RORA: variants seen among roughly 807,000 people sequenced by gnomAD.
RORA encodes the protein nuclear receptor ROR-alpha.
RORA carries 7 observed loss-of-function variants against 69.5 expected under a neutral mutation model. The observed-to-expected ratio is 0.10, with a 90% confidence interval of 0.06 to 0.19. The LOEUF (loss-of-function observed/expected upper bound fraction) is 0.19, where lower values mean the gene tolerates loss of function less well. Among genes scored for constraint, RORA ranks in the 10% least tolerant of loss-of-function variants. The pLI is 1.00. For missense variants in RORA, 457 were observed against 663.0 expected, an observed-to-expected ratio of 0.69 and a Z score of 3.41; for synonymous variants, 261 against 240.8, an observed-to-expected ratio of 1.08 and a Z score of -0.78.
At chr15:60,890,856 AC>A (rs1255803188) in intron 1 of RORA, among the ~76,000 whole-genome samples, 2 of 152,220 alleles carry the variant, frequency 1.3e-5, no homozygotes. Flanking sequence ...ACAAAACCAT[AC>A]CAAGTTGAAA....
intron 1 of RORA, among the ~76,000 whole-genome samples, chr15:60,844,127 C>T (rs1362564127): frequency 2.0e-5 from 3 of 152,158 alleles, no homozygotes; most frequent in Non-Finnish European, 4.4e-5. Flanking sequence ...CTCTCCTAGT[C>T]CCCTCACTTG....
intron 3 of RORA, among the ~76,000 whole-genome samples, chr15:60,515,264 C>CACT (rs2065825893): frequency 1.3e-5 from 2 of 152,218 alleles, no homozygotes; most frequent in African/African-American, 4.8e-5. Context: ...AGGCGTTTCT[C>CACT]ACTCCCCAAG....
intron 1 of RORA, among the ~76,000 whole-genome samples, chr15:60,893,666 C>T (rs12438152): frequency 0.33 from 50,834 of 151,852 alleles, 8,850 homozygotes; most frequent in East Asian, 0.65. Context: ...GAAGCGGGGG[C>T]TGAAGGAAGG....
chr15:60,652,467 C>T (rs1289934764), intron 2 of RORA, among the ~76,000 whole-genome samples: 2 of 152,048 alleles, frequency 1.3e-5, no homozygotes, highest in African/African-American at 2.4e-5. Context: ...GCGCATAAGC[C>T]GGATGCAGGG....
intron 2 of RORA, among the ~76,000 whole-genome samples, chr15:60,536,004 C>T (rs1047068372): frequency 6.6e-6 from 1 of 152,184 alleles, no homozygotes. Context: ...ATGTCAACAT[C>T]TCTTGCTGGG....
intron 1 of RORA, among the ~76,000 whole-genome samples, chr15:60,760,687 G>C (rs890367451): frequency 3.3e-5 from 5 of 152,126 alleles, no homozygotes; most frequent in Non-Finnish European, 7.4e-5. Flanking sequence ...AAAATGCTAG[G>C]GTTCCATTCC....
chr15:61,196,822 C>T (rs1026651710), intron 1 of RORA, among the ~76,000 whole-genome samples: 3 of 152,174 alleles, frequency 2.0e-5, no homozygotes, highest in African/African-American at 4.8e-5. Context: ...TCCAGTCACC[C>T]GTGCAGCGCA....
intron 1 of RORA, among the ~76,000 whole-genome samples, chr15:61,218,572 A>C (rs1283379018): frequency 6.6e-6 from 1 of 152,204 alleles, no homozygotes; most frequent in African/African-American, 2.4e-5. Context: ...AGAAAAGCAC[A>C]AAGAAAAAGA....
intron 1 of RORA, chr15:60,848,707 G>C (rs958857779): frequency 1.3e-5 from 2 of 153,896 alleles, no homozygotes; most frequent in Non-Finnish European, 2.9e-5. Flanking sequence ...AGGGGAAGCA[G>C]GTACGTCTTA....
chr15:60,646,309 G>A (rs917623018), intron 2 of RORA, among the ~76,000 whole-genome samples: 1 of 152,108 alleles, frequency 6.6e-6, no homozygotes, highest in African/African-American at 2.4e-5. Flanking sequence ...CTATTTAAAT[G>A]TCACCTTATC....
At chr15:60,775,914 A>G (rs939580418) in intron 1 of RORA, among the ~76,000 whole-genome samples, 1 of 152,038 alleles carries the variant, frequency 6.6e-6, no homozygotes, top group African/African-American at 2.4e-5. Context: ...AACATCTCCT[A>G]CCTGGGGCTT....
chr15:60,914,260 G>A (rs1157098047), intron 1 of RORA, among the ~76,000 whole-genome samples: 1 of 152,184 alleles, frequency 6.6e-6, no homozygotes, highest in Admixed American at 6.5e-5. Context: ...CAGACTGCGA[G>A]AGAAAGGGTG....
intron 1 of RORA, among the ~76,000 whole-genome samples, chr15:60,839,300 T>A (rs1312618530): frequency 6.6e-6 from 1 of 152,194 alleles, no homozygotes; most frequent in Non-Finnish European, 1.5e-5. Context: ...TAAACAATAA[T>A]CACATTAAAG....
chr15:60,915,317 C>T (rs1458866108), intron 1 of RORA, among the ~76,000 whole-genome samples: 1 of 152,232 alleles, frequency 6.6e-6, no homozygotes, highest in East Asian at 1.9e-4. Flanking sequence ...TGAATCCTGG[C>T]CACTGCCTCC....
intron 2 of RORA, among the ~76,000 whole-genome samples, chr15:60,580,372 A>G (rs1382040601): frequency 6.6e-6 from 1 of 152,212 alleles, no homozygotes; most frequent in Non-Finnish European, 1.5e-5. Context: ...AAGAAAAAAG[A>G]GGCATACTGC....
intron 2 of RORA, among the ~76,000 whole-genome samples, chr15:60,567,867 T>G (rs1271182946): frequency 1.3e-5 from 2 of 152,220 alleles, no homozygotes; most frequent in African/African-American, 4.8e-5. Context: ...ATTGAAGTTA[T>G]ACGGTGTTAA....
intron 1 of RORA, among the ~76,000 whole-genome samples, chr15:61,154,817 A>T (rs914865933): frequency 2.6e-5 from 4 of 152,108 alleles, no homozygotes; most frequent in Non-Finnish European, 4.4e-5. Flanking sequence ...GTGGCAAAAA[A>T]TACACACTGA....
intron 1 of RORA, among the ~76,000 whole-genome samples, chr15:61,177,713 C>T (rs1027558567): frequency 6.6e-6 from 1 of 152,050 alleles, no homozygotes; most frequent in African/African-American, 2.4e-5. Context: ...ATAACCCGAG[C>T]CCTTTGGGAG....
chr15:61,126,212 C>G (rs1335274332), intron 1 of RORA, among the ~76,000 whole-genome samples: 1 of 152,156 alleles, frequency 6.6e-6, no homozygotes, highest in East Asian at 1.9e-4. Context: ...TCCCCTCCAG[C>G]TTTATTACAG....
Sources: allele counts gnomAD v4.1 joint callset (sites outside exome capture counted in the v4.1 genomes callset), GRCh38; gene constraint gnomAD v4.1.1; transcripts MANE v1.5; gene names NCBI Gene and HGNC (gene_info 2026-07-23, HGNC 2026-07-21).